The following MAPK14 variants were observed in gnomAD, a reference collection of about 807,000 sequenced individuals.
MAPK14 encodes the protein CSAID-binding protein.
Under a neutral mutation model 49.6 loss-of-function variants are expected in MAPK14, and 16 were observed. That is an observed-to-expected ratio of 0.32 (90% CI 0.22 to 0.49). The LOEUF (loss-of-function observed/expected upper bound fraction) is 0.49. MAPK14 is among the 20% of genes least tolerant of loss of function. The pLI is 0.99. For missense variants in MAPK14, 200 were observed against 441.2 expected, an observed-to-expected ratio of 0.45 and a Z score of 4.90; for synonymous variants, 142 against 158.0, an observed-to-expected ratio of 0.90 and a Z score of 0.76.
chr6:36,100,151 CTGTAT>C (rs773008880), intron 9 of MAPK14: 6 of 1,394,218 alleles, frequency 4.3e-6, no homozygotes, highest in African/African-American at 4.3e-5. Context: ...ATTTTTTGCA[CTGTAT>C]GTTTAACAAT....
chr6:36,043,665 G>A (rs1763051450), intron 1 of MAPK14, among the ~76,000 whole-genome samples: 1 of 152,064 alleles, frequency 6.6e-6, no homozygotes, highest in Non-Finnish European at 1.5e-5. Flanking sequence ...TTATTTAGAA[G>A]GCAAGTTTTG....
chr6:36,048,045 T>A (rs1763251221), intron 1 of MAPK14, among the ~76,000 whole-genome samples: 1 of 147,712 alleles, frequency 6.8e-6, no homozygotes, highest in Admixed American at 6.8e-5. Context: ...TTAATTTATT[T>A]ATTATTATTT....
chr6:36,087,457 C>G (rs1016982180), intron 8 of MAPK14, among the ~76,000 whole-genome samples: 1 of 152,088 alleles, frequency 6.6e-6, no homozygotes, highest in Non-Finnish European at 1.5e-5. Flanking sequence ...AATCAAAGTG[C>G]AAAAATCACA....
chr6:36,062,535 C>T (rs138250964), intron 3 of MAPK14, among the ~76,000 whole-genome samples: 1 of 152,158 alleles, frequency 6.6e-6, no homozygotes, highest in East Asian at 1.9e-4. Context: ...ATAATTTAGG[C>T]TAGAGTGGTT....
chr6:36,052,414 A>C (rs1763436530), intron 1 of MAPK14, among the ~76,000 whole-genome samples: 1 of 152,224 alleles, frequency 6.6e-6, no homozygotes, highest in African/African-American at 2.4e-5. Flanking sequence ...GTTGTGACAG[A>C]GGTCTTACTT....
At chr6:36,056,080 C>T (rs1763579452) in intron 2 of MAPK14, among the ~76,000 whole-genome samples, 1 of 151,798 alleles carries the variant, frequency 6.6e-6, no homozygotes, top group Non-Finnish European at 1.5e-5. Flanking sequence ...GTTGGCTTTT[C>T]TCTATTTTTT....
chr6:36,093,001 T>C (rs1235632516), intron 8 of MAPK14, among the ~76,000 whole-genome samples: 2 of 152,130 alleles, frequency 1.3e-5, no homozygotes, highest in Non-Finnish European at 2.9e-5. Flanking sequence ...AATAGAGTTA[T>C]AGATAAGCTA....
chr6:36,039,221 T>G (rs3804454), intron 1 of MAPK14, among the ~76,000 whole-genome samples: 35,043 of 152,026 alleles, frequency 0.23, 4,089 homozygotes, highest in African/African-American at 0.28. Flanking sequence ...GAGCTCCCCC[T>G]CTTTTACTGC....
chr6:36,111,094 T>G lies in MAPK14; in HGVS notation c.*2647T>G, dbSNP rs901063259. ...GGCCAAATCTGGCCCACCACCTGTT[T>G]GGTGTAGCCTGCTAAGAATGGCTTT... On this transcript the variant is annotated 3_prime_UTR_variant, in exon 12 of 12. Transcript: ENST00000229794. The G allele has an allele frequency of 5.3e-5, 8 of 152,156 alleles. No homozygotes were observed. The highest frequency in any genetic ancestry group is 1.9e-4 in the African/African-American group (8 of 41,508). The allele number at this position is 152,156 out of a possible 1,614,324, so 9.4% of individuals were successfully genotyped here.
At chr6:36,105,790 C>T (rs1765780894) in intron 10 of MAPK14, among the ~76,000 whole-genome samples, 1 of 152,184 alleles carries the variant, frequency 6.6e-6, no homozygotes, top group Non-Finnish European at 1.5e-5. Context: ...CTTCACTACT[C>T]ACCCCCACAC....
Position 36,028,330 on chromosome 6 carries a change from GC to G in MAPK14, c.116+59del. 8.2e-7 allele frequency: 1 copy of G among 1,224,792 alleles called. No homozygotes were observed. Among genetic ancestry groups the G allele is most frequent in the Non-Finnish European group, 1.2e-6 (1 of 829,646 alleles). The allele number at this position is 1,224,792 out of a possible 1,614,324, so 75.9% of individuals were successfully genotyped here. On this transcript the variant is annotated intron_variant, in intron 1 of 11. Coordinates refer to ENST00000229794, the MANE Select transcript of MAPK14 (RefSeq NM_139012.3). This position sits in a 1 kb window ranked among gnomAD's most constrained non-coding sequence, Gnocchi z 5.1. Reference sequence around the variant, plus strand: ...GCAGGGTGGCCCCTCGCGCCCGAGGGCCAGGCCTGCTCCACTGCTCAGCGTT... The same window carrying G: ...GCAGGGTGGCCCCTCGCGCCCGAGGGCAGGCCTGCTCCACTGCTCAGCGTT...
At chr6:36,041,922 G>C (rs1762975797) in intron 1 of MAPK14, among the ~76,000 whole-genome samples, 1 of 152,202 alleles carries the variant, frequency 6.6e-6, no homozygotes, top group Non-Finnish European at 1.5e-5. Flanking sequence ...TGTGTACAGA[G>C]AAGTGGAGAC....
rs182408999 is a variant in MAPK14 at position 36,044,184 on chromosome 6, A to G, written c.117-8515A>G. Reference sequence around the variant, plus strand: ...TAATTCAGTGTAACTACAGATTTCAATATATTTAAATATTTCCATTAACTT... The same window carrying G: ...TAATTCAGTGTAACTACAGATTTCAGTATATTTAAATATTTCCATTAACTT... On this transcript the variant is annotated intron_variant, in intron 1 of 11. Transcript: ENST00000229794. Among the ~76,000 whole-genome samples the G allele has an allele frequency of 1.1e-3, 161 of 152,248 alleles. 2 individuals are homozygous for G. In the East Asian group the frequency reaches 0.027, roughly 26 times the overall value.
At chr6:36,098,369 T>G (rs1289132797) in intron 9 of MAPK14, among the ~76,000 whole-genome samples, 2 of 151,918 alleles carry the variant, frequency 1.3e-5, no homozygotes, top group East Asian at 3.9e-4. Context: ...AACAAGAAAA[T>G]CATATTAAGA....
intron 1 of MAPK14, among the ~76,000 whole-genome samples, chr6:36,039,944 C>T (rs1340907961): frequency 2.7e-5 from 4 of 149,282 alleles, no homozygotes; most frequent in East Asian, 2.0e-4. Flanking sequence ...TGCAGTGAGC[C>T]GAGATCACTC....
At chr6:36,087,898 A>G (rs58690654) in intron 8 of MAPK14, among the ~76,000 whole-genome samples, 21,008 of 152,238 alleles carry the variant, frequency 0.14, 1,760 homozygotes, top group African/African-American at 0.24. Flanking sequence ...CTACGAGGCT[A>G]CAGTAATCAA....
intron 1 of MAPK14, among the ~76,000 whole-genome samples, chr6:36,031,250 G>A (rs150020756): frequency 6.6e-4 from 100 of 152,306 alleles, no homozygotes; most frequent in African/African-American, 2.1e-3. Flanking sequence ...CTGACCTCAA[G>A]TGATCTGCTC....
chr6:36,043,308 TCTC>T (rs1337718105), intron 1 of MAPK14, among the ~76,000 whole-genome samples: 4 of 152,150 alleles, frequency 2.6e-5, no homozygotes, highest in African/African-American at 7.2e-5. Context: ...CAATCTTAAA[TCTC>T]CTGCTACTCT....
chr6:36,059,100 G>A (rs546127511), intron 2 of MAPK14, among the ~76,000 whole-genome samples, 189 bp from the exon 3 acceptor site: 10 of 152,078 alleles, frequency 6.6e-5, no homozygotes, highest in African/African-American at 2.4e-4. Context: ...ATGTTGGCCA[G>A]GCTGGTCTCG....
Sources: allele counts gnomAD v4.1 joint callset (sites outside exome capture counted in the v4.1 genomes callset), GRCh38; gene constraint gnomAD v4.1.1; non-coding constraint Gnocchi (gnomAD v3.1); transcripts MANE v1.5; gene names NCBI Gene and HGNC (gene_info 2026-07-23, HGNC 2026-07-21).